The following NCAM1 variants were observed in gnomAD, a reference collection of about 807,000 sequenced individuals.
The protein encoded by NCAM1 is neural cell adhesion molecule 1.
Under a neutral mutation model 109.8 loss-of-function variants are expected in NCAM1, and 14 were observed. The ratio of observed to expected loss-of-function variants is 0.13; its 90% CI spans 0.08 to 0.20. The LOEUF is 0.20. NCAM1 is among the 10% of genes least tolerant of loss of function. NCAM1 has a pLI of 1.00. For missense variants in NCAM1, 774 were observed against 1,109.9 expected (o/e 0.70, Z 4.30); for synonymous variants, 418 against 442.9 (o/e 0.94, Z 0.70).
At chr11:113,128,170 C>T (rs547290617) in intron 1 of NCAM1, among the ~76,000 whole-genome samples, 17 of 152,312 alleles carry the variant, frequency 1.1e-4, no homozygotes, top group African/African-American at 3.4e-4. Flanking sequence ...GCATCTAATA[C>T]GCTCAGCATC....
intron 1 of NCAM1, among the ~76,000 whole-genome samples, chr11:113,160,736 C>A (rs1175160132): frequency 2.0e-5 from 3 of 152,088 alleles, no homozygotes; most frequent in Admixed American, 1.3e-4. Context: ...GATGGCTGTA[C>A]CGGTTCCAAA....
At chr11:113,008,993 TG>T (rs1306702476) in intron 1 of NCAM1, among the ~76,000 whole-genome samples, 1 of 152,102 alleles carries the variant, frequency 6.6e-6, no homozygotes, top group Non-Finnish European at 1.5e-5. Context: ...CGATCTCCCA[TG>T]GGGGCCTCAG....
intron 1 of NCAM1, among the ~76,000 whole-genome samples, chr11:113,191,372 T>C (rs1441952714): frequency 2.0e-5 from 3 of 152,212 alleles, no homozygotes; most frequent in Non-Finnish European, 2.9e-5. Context: ...GCCTGAATCA[T>C]ATAGCTCCTA....
chr11:112,975,009 A>T (rs563706776), intron 1 of NCAM1, among the ~76,000 whole-genome samples: 58 of 152,120 alleles, frequency 3.8e-4, no homozygotes, highest in African/African-American at 1.4e-3. Context: ...TTAGGGTAGG[A>T]TCGTTGAGAC....
chr11:113,277,093 AGATGATGAT>A lies in NCAM1; in HGVS notation c.*1718_*1726del, dbSNP rs527451873. On this transcript the variant is annotated 3_prime_UTR_variant, in exon 20 of 20. Transcript: ENST00000316851. ...CCTTTTAACAAAGAAAATGAAATACAGATGATGATGATGATGATGAAGATGATGCTAAGT... is the reference window on the plus strand; with the variant it reads ...CCTTTTAACAAAGAAAATGAAATACAGATGATGATGAAGATGATGCTAAGT... 124 of 374,190 alleles carry A rather than the reference AGATGATGAT, an allele frequency of 3.3e-4. No individual in the cohort carries two copies. Among genetic ancestry groups the A allele is most frequent in the Non-Finnish European group, 5.3e-4 (111 of 211,148 alleles). The allele number at this position is 374,190 out of a possible 1,614,324, so 23.2% of individuals were successfully genotyped here.
At chr11:113,078,529 CT>C (rs1555086550) in intron 1 of NCAM1, among the ~76,000 whole-genome samples, 1 of 152,074 alleles carries the variant, frequency 6.6e-6, no homozygotes, top group African/African-American at 2.4e-5. Flanking sequence ...CTATAGAAAG[CT>C]TTGGTCAAAT....
chr11:113,271,657 G>A, intron 18 of NCAM1, 103 bp from the exon 19 acceptor site: 3 of 748,132 alleles, frequency 4.0e-6, no homozygotes, highest in Non-Finnish European at 6.5e-6. Context: ...TGTTGGCTCT[G>A]GATGCCCACC....
intron 1 of NCAM1, among the ~76,000 whole-genome samples, chr11:113,009,355 C>G (rs981165823): frequency 2.8e-5 from 3 of 106,872 alleles, no homozygotes; most frequent in Non-Finnish European, 3.7e-5. Context: ...GAGATGGTCT[C>G]ACTCTGTCAC....
chr11:113,167,655 C>G (rs1942849797), intron 1 of NCAM1, among the ~76,000 whole-genome samples: 1 of 151,824 alleles, frequency 6.6e-6, no homozygotes, highest in African/African-American at 2.4e-5. Flanking sequence ...GTGCAGAAGT[C>G]TGCAGAAGGC....
chr11:113,252,799 CTTT>C (rs33948720), intron 15 of NCAM1, among the ~76,000 whole-genome samples: 1,069 of 39,464 alleles, frequency 0.027, 3 homozygotes, highest in South Asian at 0.059. Flanking sequence ...CTATGCCCAG[CTTT>C]TTTTTTTTTT....
intron 15 of NCAM1, among the ~76,000 whole-genome samples, chr11:113,250,535 A>G (rs890383003): frequency 2.0e-5 from 3 of 152,242 alleles, no homozygotes; most frequent in Non-Finnish European, 4.4e-5. Flanking sequence ...GGACTTTTCA[A>G]AAACTAAGTG....
At chr11:113,177,738 G>C (rs781863091) in intron 1 of NCAM1, among the ~76,000 whole-genome samples, 2 of 152,150 alleles carry the variant, frequency 1.3e-5, no homozygotes, top group Admixed American at 1.3e-4. Flanking sequence ...CTGGCAGAGA[G>C]CATCATGTCT....
intron 1 of NCAM1, among the ~76,000 whole-genome samples, chr11:113,083,842 T>C (rs1391581814): frequency 6.6e-6 from 1 of 152,028 alleles, no homozygotes; most frequent in African/African-American, 2.4e-5. Context: ...CATGAGATGG[T>C]GTGTAGTTTT....
intron 1 of NCAM1, among the ~76,000 whole-genome samples, chr11:113,132,673 G>GGAGA (rs142344934): frequency 6.7e-6 from 1 of 148,546 alleles, no homozygotes; most frequent in African/African-American, 2.5e-5. Flanking sequence ...TGGGGGAGCT[G>GGAGA]GAGAGAGAGA....
chr11:113,009,468 G>C (rs536273467), intron 1 of NCAM1, among the ~76,000 whole-genome samples: 4 of 151,924 alleles, frequency 2.6e-5, no homozygotes, highest in African/African-American at 9.7e-5. Flanking sequence ...GGGACTACAG[G>C]TGCCCACCAC....
chr11:113,151,351 G>A (rs1441736154), intron 1 of NCAM1, among the ~76,000 whole-genome samples: 2 of 152,158 alleles, frequency 1.3e-5, no homozygotes, highest in South Asian at 2.1e-4. Context: ...AGCACATATC[G>A]GAGCTCAAGA....
intron 1 of NCAM1, among the ~76,000 whole-genome samples, chr11:113,067,407 T>A (rs1938019776): frequency 6.6e-6 from 1 of 152,214 alleles, no homozygotes; most frequent in Admixed American, 6.5e-5. Context: ...GGATATGACC[T>A]CACAATTAGA....
intron 1 of NCAM1, among the ~76,000 whole-genome samples, chr11:113,087,890 G>T (rs996094431): frequency 1.3e-5 from 2 of 152,132 alleles, no homozygotes; most frequent in Non-Finnish European, 2.9e-5. Context: ...ATCCTTAGCG[G>T]CTAAGATCGC....
chr11:113,000,847 T>C (rs61902790), intron 1 of NCAM1, among the ~76,000 whole-genome samples: 76,361 of 113,404 alleles, frequency 0.67, 21,551 homozygotes, highest in East Asian at 0.83. Flanking sequence ...TATATATATA[T>C]ACACAAAAAA....
Sources: allele counts gnomAD v4.1 joint callset (sites outside exome capture counted in the v4.1 genomes callset), GRCh38; gene constraint gnomAD v4.1.1; transcripts MANE v1.5; gene names NCBI Gene and HGNC (gene_info 2026-07-23, HGNC 2026-07-21).